Variants in AEBP2 observed in about 807,000 individuals in gnomAD.
AEBP2 encodes the protein zinc finger protein AEBP2.
AEBP2 carries 10 observed loss-of-function variants against 50.8 expected under a neutral mutation model. The observed-to-expected ratio is 0.20, with a 90% CI of 0.12 to 0.33. The LOEUF is 0.33. AEBP2 is among the 10% of genes least tolerant of loss of function. The probability of loss-of-function intolerance (pLI) is 1.00; values close to 1 mark genes in which losing one functional copy is unlikely to be tolerated. For missense variants in AEBP2, 570 were observed against 688.0 expected, an observed-to-expected ratio of 0.83 and a Z score of 1.92; for synonymous variants, 296 against 261.3, an observed-to-expected ratio of 1.13 and a Z score of -1.28.
intron 3 of AEBP2, among the ~76,000 whole-genome samples, chr12:19,490,974 A>G (rs1291116349): frequency 6.6e-6 from 1 of 152,208 alleles, no homozygotes. Context: ...TGTGATGTGA[A>G]TTTCACTTTA....
Position 19,462,592 on chromosome 12 carries a change from A to C in AEBP2, c.754A>C (p.Thr252Pro). The change falls in exon 2 of 8, where the codon ACT (threonine) becomes CCT (proline). Residue 252 changes from threonine (T) to proline (P), a missense_variant. By Grantham distance (38) the Thr-to-Pro change is conservative. Coordinates refer to ENST00000266508, the MANE Select transcript of AEBP2 (RefSeq NM_153207.5). Reference protein sequence around the residue: ...TPAMMNGQGSTTSSSKNIAYN... With the variant: ...TPAMMNGQGSPTSSSKNIAYN... ...AGCAATGATGAATGGACAAGGAAGCACTACTTCTTCAAGCAAAAATATTGC... is the reference window on the plus strand; with the variant it reads ...AGCAATGATGAATGGACAAGGAAGCCCTACTTCTTCAAGCAAAAATATTGC... The C allele has an allele frequency of 1.2e-6, 2 of 1,613,922 alleles. No individual in the cohort carries two copies. The highest frequency in any genetic ancestry group is 1.7e-6 in the Non-Finnish European group (2 of 1,179,854).
chr12:19,474,807 C>G (rs1437058389), intron 3 of AEBP2, among the ~76,000 whole-genome samples: 2 of 151,584 alleles, frequency 1.3e-5, no homozygotes, highest in Admixed American at 6.6e-5. Context: ...TTTTTTCCCC[C>G]CTCAAGATGG....
At chr12:19,510,731 TTTTA>T (rs1216959686) in intron 5 of AEBP2, among the ~76,000 whole-genome samples, 20 of 152,306 alleles carry the variant, frequency 1.3e-4, no homozygotes, top group African/African-American at 4.6e-4. Context: ...GGTTTGCAGC[TTTTA>T]TTTATTAAAG....
intron 1 of AEBP2, among the ~76,000 whole-genome samples, chr12:19,424,538 A>G (rs890870517): frequency 2.0e-5 from 3 of 151,762 alleles, no homozygotes; most frequent in African/African-American, 7.3e-5. Flanking sequence ...CTGGGACTAC[A>G]GGCGCCCGCC....
intron 2 of AEBP2, among the ~76,000 whole-genome samples, chr12:19,468,787 G>T (rs1483557289): frequency 2.0e-5 from 3 of 152,108 alleles, no homozygotes; most frequent in Non-Finnish European, 4.4e-5. Context: ...AAGATTCCCA[G>T]AGGCAAAACC....
At chr12:19,463,012 G>T (rs1422143447) in intron 2 of AEBP2, among the ~76,000 whole-genome samples, 1 of 152,180 alleles carries the variant, frequency 6.6e-6, no homozygotes, top group East Asian at 1.9e-4. Context: ...GGGTTCTGAT[G>T]TTTTGAGTTG....
intron 1 of AEBP2, among the ~76,000 whole-genome samples, chr12:19,462,180 A>G (rs11044575): frequency 0.85 from 129,346 of 152,184 alleles, 55,267 homozygotes; most frequent in African/African-American, 0.93. Flanking sequence ...TTTGAACTGT[A>G]GAAGGGATGA....
chr12:19,493,687 A>AGTTC (rs1224299486), intron 3 of AEBP2, 113 bp from the exon 4 acceptor site: 4 of 978,956 alleles, frequency 4.1e-6, no homozygotes, highest in Non-Finnish European at 4.4e-6. Flanking sequence ...TTCTGGAATT[A>AGTTC]GTTCTATTGT....
chr12:19,466,751 T>TA, intron 2 of AEBP2: 1 of 972,524 alleles, frequency 1.0e-6, no homozygotes. Flanking sequence ...TCTTAAGTGT[T>TA]AAAGTGTCAT....
chr12:19,425,870 C>G (rs2095748268), intron 1 of AEBP2, among the ~76,000 whole-genome samples: 1 of 151,582 alleles, frequency 6.6e-6, no homozygotes, highest in African/African-American at 2.4e-5. Context: ...GCATGAACAG[C>G]AAATTTTGTT....
chr12:19,450,964 T>G (rs1948157893), intron 1 of AEBP2, among the ~76,000 whole-genome samples: 1 of 141,588 alleles, frequency 7.1e-6, no homozygotes, highest in African/African-American at 2.7e-5. Context: ...AAGTTTCTCC[T>G]TTGAATATAT....
intron 2 of AEBP2, among the ~76,000 whole-genome samples, chr12:19,466,529 C>T (rs975552510): frequency 5.3e-5 from 8 of 152,164 alleles, no homozygotes; most frequent in South Asian, 2.1e-4. Flanking sequence ...AATCGCCACC[C>T]GCTCTCTGTC....
chr12:19,518,027 G>T, intron 7 of AEBP2, 60 bp from the exon 8 acceptor site: 1 of 1,463,754 alleles, frequency 6.8e-7, no homozygotes, highest in South Asian at 1.3e-5. Flanking sequence ...AATGTCTCTT[G>T]AAGCACTCAA....
chr12:19,497,106 T>G (rs560705586), intron 4 of AEBP2, among the ~76,000 whole-genome samples: 4 of 151,820 alleles, frequency 2.6e-5, no homozygotes, highest in Non-Finnish European at 5.9e-5. Flanking sequence ...TGTATTGCTC[T>G]TCACTTAGAG....
chr12:19,479,726 T>TTTG (rs1236985609), intron 3 of AEBP2, among the ~76,000 whole-genome samples: 26 of 117,538 alleles, frequency 2.2e-4, no homozygotes, highest in Middle Eastern at 4.5e-3. Context: ...GGTTTTTTTT[T>TTTG]TTTTTTTTTT....
chr12:19,448,919 G>A (rs548924752), intron 1 of AEBP2, among the ~76,000 whole-genome samples: 2 of 152,116 alleles, frequency 1.3e-5, no homozygotes, highest in African/African-American at 4.8e-5. Flanking sequence ...AGCTCAAGCA[G>A]TCCTCCCACC....
In AEBP2 at chr12:19,518,404, C is replaced by A. The variant is rs1358845083; in HGVS notation, c.*287C>A. Reference sequence around the variant, plus strand: ...TTTTGGCAACTTAGTAGAACAGCTTCTTAAAGGCTTTGCATGCTTGCTGCT... The same window carrying A: ...TTTTGGCAACTTAGTAGAACAGCTTATTAAAGGCTTTGCATGCTTGCTGCT... On this transcript the variant is annotated 3_prime_UTR_variant, in exon 8 of 8. Coordinates refer to ENST00000266508, the MANE Select transcript of AEBP2 (RefSeq NM_153207.5). The A allele has an allele frequency of 8.9e-6, 11 of 1,229,116 alleles. No individual in the cohort carries two copies. The South Asian group carries it at 3.1e-4, about 35-fold the overall frequency. 76.1% of individuals were successfully genotyped at this position (1,229,116 alleles called of 1,614,324 possible).
At chr12:19,511,480 C>G (rs527607176) in intron 5 of AEBP2, among the ~76,000 whole-genome samples, 1 of 152,186 alleles carries the variant, frequency 6.6e-6, no homozygotes, top group Admixed American at 6.5e-5. Flanking sequence ...CTGCACCATA[C>G]TAAGAGTGAC....
chr12:19,470,787 G>A (rs920470493), intron 2 of AEBP2, among the ~76,000 whole-genome samples: 3 of 152,086 alleles, frequency 2.0e-5, no homozygotes, highest in Non-Finnish European at 2.9e-5. Flanking sequence ...TGCTTATTTC[G>A]AAGGAACTAA....
Sources: allele counts gnomAD v4.1 joint callset (sites outside exome capture counted in the v4.1 genomes callset), GRCh38; gene constraint gnomAD v4.1.1; transcripts MANE v1.5; gene names NCBI Gene and HGNC (gene_info 2026-07-23, HGNC 2026-07-21).